ASCL3: variants seen among roughly 807,000 people sequenced by gnomAD.
The protein encoded by ASCL3 is achaete-scute homolog 3.
ASCL3 carries 1 observed loss-of-function variant against 2.3 expected under a neutral mutation model. The observed-to-expected ratio is 0.44, with a 90% CI of 0.16 to 2.10. The LOEUF (loss-of-function observed/expected upper bound fraction) is 2.10, where lower values mean the gene tolerates loss of function less well. Ranked by LOEUF, ASCL3 falls within the 30% of genes most tolerant of loss-of-function variation. The pLI is 0.28. For missense variants in ASCL3, 243 were observed against 229.0 expected (o/e 1.06, Z -0.40); for synonymous variants, 98 against 88.5 (o/e 1.11, Z -0.60).
intron 1 of ASCL3, among the ~76,000 whole-genome samples, chr11:8,942,103 A>G (rs1262075699): frequency 2.0e-5 from 3 of 152,148 alleles, no homozygotes; most frequent in Non-Finnish European, 4.4e-5. Flanking sequence ...CCCAGATGAA[A>G]TCTGAGTAAT....
intron 1 of ASCL3, among the ~76,000 whole-genome samples, chr11:8,942,484 T>C (rs1046199287): frequency 6.6e-6 from 1 of 152,142 alleles, no homozygotes; most frequent in Non-Finnish European, 1.5e-5. Flanking sequence ...AACACACCTA[T>C]GTTGGGAAAA....
In ASCL3 at chr11:8,937,583, T is replaced by C; in HGVS notation, c.*33A>G. The C allele has an allele frequency of 6.4e-7, 1 of 1,567,374 alleles. No homozygotes were observed. The highest frequency in any genetic ancestry group is 8.7e-7 in the Non-Finnish European group (1 of 1,153,020). On this transcript the variant is annotated 3_prime_UTR_variant, in exon 2 of 2. Transcript: ENST00000531618. ...TGATGCCGTAAGAGACCCCATTTTG[T>C]GATATTATTCATTTCTATTTGGAAA...
intron 1 of ASCL3, among the ~76,000 whole-genome samples, chr11:8,941,328 A>AAC (rs1174966889): frequency 9.5e-5 from 11 of 116,124 alleles, no homozygotes; most frequent in South Asian, 6.6e-4. Flanking sequence ...TGGCATACTA[A>AAC]ACACACACAC....
At chr11:8,938,975 T>G (rs1394796697) in intron 1 of ASCL3, among the ~76,000 whole-genome samples, 3 of 151,804 alleles carry the variant, frequency 2.0e-5, no homozygotes, top group South Asian at 4.2e-4. Context: ...GGCTAAGTTT[T>G]GTATGTTTTT....
At position 8,937,773 on chromosome 11, in the gene ASCL3, C is replaced by T. The variant is rs1416065362; in HGVS notation, c.389G>A (p.Ser130Asn). The change falls in exon 2 of 2, where the codon AGC (serine) becomes AAC (asparagine). Residue 130 changes from serine to asparagine, a missense_variant. By Grantham distance (46) the Ser-to-Asn change is conservative. Coordinates refer to ENST00000531618, the MANE Select transcript of ASCL3 (RefSeq NM_020646.3). ...LPEEYLEKRL[S>N]KVETLRAAIK... ...CGCAGCTCTGAGGGTTTCCACTTTG[C>T]TGAGTCGCTTCTCCAAATACTCCTC... The T allele has an allele frequency of 1.9e-6, 3 of 1,613,986 alleles. No individual in the cohort carries two copies. The highest frequency in any genetic ancestry group is 2.5e-6 in the Non-Finnish European group (3 of 1,180,006).
chr11:8,937,891 C>A lies in ASCL3; in HGVS notation c.271G>T (p.Gly91Trp). Residue 91 changes from glycine to tryptophan, a missense_variant, in exon 2 of 2, where the codon GGG becomes TGG. Transcript: ENST00000531618. ...TTCCTTTTCCGGGTGAAGGCTGGCC[C>A]GTAGGAGTACTCGCACCCTCTGTAA... ...PNYRGCEYSY[G>W]PAFTRKRNER... 6.2e-7 allele frequency: 1 copy of A among 1,614,080 alleles called. No individual in the cohort carries two copies. Among genetic ancestry groups the A allele is most frequent in the Non-Finnish European group, 8.5e-7 (1 of 1,180,018 alleles).
intron 1 of ASCL3, among the ~76,000 whole-genome samples, chr11:8,941,429 A>G (rs969938078): frequency 1.3e-5 from 2 of 152,098 alleles, no homozygotes; most frequent in Admixed American, 6.5e-5. Flanking sequence ...ACCTGAATAC[A>G]GCAAAAACTC....
At chr11:8,942,230 C>T (rs1291341703) in intron 1 of ASCL3, among the ~76,000 whole-genome samples, 1 of 152,092 alleles carries the variant, frequency 6.6e-6, no homozygotes, top group East Asian at 1.9e-4. Flanking sequence ...TTCTGTTGAG[C>T]ATTTCCAATA....
Sources: gnomAD v4.1 joint callset for allele counts (sites outside exome capture counted in the v4.1 genomes callset) on GRCh38, gnomAD v4.1.1 for gene constraint, MANE v1.5 for transcripts, NCBI Gene and HGNC (gene_info 2026-07-23, HGNC 2026-07-21) for gene names.